The following SSBP2 variants were observed in gnomAD, a reference collection of about 807,000 sequenced individuals.
The protein encoded by SSBP2 is single-stranded DNA-binding protein 2.
In SSBP2, 17 loss-of-function variants were observed where a neutral mutation model predicts 61.8. That is an observed-to-expected ratio of 0.28 (90% CI 0.19 to 0.41). The LOEUF is 0.41. SSBP2 is among the 10% of genes least tolerant of loss of function. The pLI, the probability that SSBP2 is intolerant of heterozygous loss-of-function variation, is 1.00. For synonymous variants in SSBP2, 139 were observed against 141.3 expected (o/e 0.98, Z 0.12); for missense variants, 310 against 458.7 (o/e 0.68, Z 2.96).
chr5:81,438,314 G>A (rs1026888930), intron 14 of SSBP2, among the ~76,000 whole-genome samples: 3 of 147,374 alleles, frequency 2.0e-5, no homozygotes, highest in African/African-American at 7.6e-5. Context: ...TCACATCACT[G>A]CACTCCAGTG....
At chr5:81,430,392 A>G (rs973938274) in intron 15 of SSBP2, among the ~76,000 whole-genome samples, 5 of 152,234 alleles carry the variant, frequency 3.3e-5, no homozygotes, top group Non-Finnish European at 2.9e-5. Context: ...CAAACAAAAG[A>G]GTAAAATGAA....
intron 4 of SSBP2, among the ~76,000 whole-genome samples, chr5:81,575,252 A>T (rs1482381780): frequency 1.3e-5 from 2 of 152,208 alleles, no homozygotes; most frequent in African/African-American, 4.8e-5. Context: ...TGGGTGACAG[A>T]GCGAGACTTC....
At chr5:81,455,660 C>T (rs1316180032) in intron 10 of SSBP2, among the ~76,000 whole-genome samples, 2 of 142,408 alleles carry the variant, frequency 1.4e-5, no homozygotes, top group African/African-American at 2.5e-5. Context: ...AAAAAATCCT[C>T]CTTCTAACCC....
intron 4 of SSBP2, among the ~76,000 whole-genome samples, chr5:81,574,767 A>G (rs1774081327): frequency 6.6e-6 from 1 of 152,212 alleles, no homozygotes; most frequent in Admixed American, 6.5e-5. Flanking sequence ...CAAAAGCCGG[A>G]ACACACAGGA....
chr5:81,592,491 T>C lies in SSBP2; in HGVS notation c.282+22982A>G, dbSNP rs558514250. The stretch of plus-strand genomic sequence containing the variant: ...CCCTGTCTGACAGCTTTGAAGAGAG[T>C]AGTGGTTCTCCCAGCATGCAGCTTG... On this transcript the variant is annotated intron_variant, in intron 4 of 16. Transcript: ENST00000320672. 5.1e-3 allele frequency among the ~76,000 whole-genome samples: 770 copies of C among 151,624 alleles called. 10 individuals carry two copies. The highest frequency in any genetic ancestry group is 0.018 in the African/African-American group (722 of 41,046).
At chr5:81,712,756 A>G (rs1230636111) in intron 1 of SSBP2, among the ~76,000 whole-genome samples, 3 of 148,462 alleles carry the variant, frequency 2.0e-5, no homozygotes, top group Non-Finnish European at 4.5e-5. Flanking sequence ...TTTTTGACAC[A>G]GGGTCTCACT....
chr5:81,472,998 G>GT (rs1765350680), intron 8 of SSBP2, among the ~76,000 whole-genome samples: 1 of 152,278 alleles, frequency 6.6e-6, no homozygotes, highest in African/African-American at 2.4e-5. Flanking sequence ...TCCATACAGT[G>GT]TATTTTCTCA....
At chr5:81,564,883 C>T (rs1009784725) in intron 4 of SSBP2, among the ~76,000 whole-genome samples, 20 of 152,224 alleles carry the variant, frequency 1.3e-4, no homozygotes. Flanking sequence ...AGTTAAAAAA[C>T]CGCTTGCCAG....
At chr5:81,489,465 A>C (rs1376859920) in intron 5 of SSBP2, among the ~76,000 whole-genome samples, 156 bp from the exon 6 acceptor site, 1 of 152,246 alleles carries the variant, frequency 6.6e-6, no homozygotes, top group Non-Finnish European at 1.5e-5. Flanking sequence ...TTTTAAGAAA[A>C]ATTACCATCC....
chr5:81,421,497 ACT>A (rs1404958445), intron 16 of SSBP2, among the ~76,000 whole-genome samples: 1 of 152,016 alleles, frequency 6.6e-6, no homozygotes, highest in African/African-American at 2.4e-5. Context: ...TCGGCCTGTG[ACT>A]CTAACTGTAA....
At chr5:81,558,678 A>C (rs1226094832) in intron 4 of SSBP2, among the ~76,000 whole-genome samples, 12 of 152,212 alleles carry the variant, frequency 7.9e-5, no homozygotes. Flanking sequence ...AAATCAGAAC[A>C]ACCTGCATGT....
chr5:81,565,846 C>A (rs1773381195), intron 4 of SSBP2, among the ~76,000 whole-genome samples: 1 of 152,144 alleles, frequency 6.6e-6, no homozygotes, highest in African/African-American at 2.4e-5. Flanking sequence ...TATAGCTTCT[C>A]ACATGTTCAA....
chr5:81,750,854 TC>T, intron 1 of SSBP2, 126 bp downstream of exon 1: 1 of 754,512 alleles, frequency 1.3e-6, no homozygotes, highest in Non-Finnish European at 2.0e-6. Context: ...GCGGCACCCC[TC>T]CCCCTGCCAG....
chr5:81,552,557 G>A (rs1772281617), intron 4 of SSBP2, among the ~76,000 whole-genome samples: 1 of 151,046 alleles, frequency 6.6e-6, no homozygotes, highest in South Asian at 2.1e-4. Flanking sequence ...AGACTCACTT[G>A]AACCCAGGAG....
At chr5:81,629,912 A>T (rs965315378) in intron 3 of SSBP2, among the ~76,000 whole-genome samples, 1 of 152,206 alleles carries the variant, frequency 6.6e-6, no homozygotes, top group Non-Finnish European at 1.5e-5. Context: ...ATAATACATT[A>T]TTATTAAACC....
intron 4 of SSBP2, among the ~76,000 whole-genome samples, chr5:81,524,110 T>C (rs1022899198): frequency 6.6e-6 from 1 of 152,018 alleles, no homozygotes; most frequent in Admixed American, 6.6e-5. Context: ...ATAATTATAG[T>C]CATCCCTTAG....
At chr5:81,583,405 A>G (rs548344105) in intron 4 of SSBP2, among the ~76,000 whole-genome samples, 163 of 152,166 alleles carry the variant, frequency 1.1e-3, no homozygotes, top group Middle Eastern at 3.4e-3. Context: ...CAAGGCGGGC[A>G]GATCACAAGG....
At chr5:81,699,986 C>T (rs1451732595) in intron 1 of SSBP2, among the ~76,000 whole-genome samples, 1 of 151,688 alleles carries the variant, frequency 6.6e-6, no homozygotes, top group Non-Finnish European at 1.5e-5. Flanking sequence ...TGGCTACAGG[C>T]ACCTGCCACC....
chr5:81,453,124 GTCTCTATA>G (rs1763886028), intron 10 of SSBP2, among the ~76,000 whole-genome samples: 1 of 151,750 alleles, frequency 6.6e-6, no homozygotes, highest in African/African-American at 2.4e-5. Context: ...GCAAAACCTT[GTCTCTATA>G]AAAAACAAAA....
Sources: gnomAD v4.1 joint callset for allele counts (sites outside exome capture counted in the v4.1 genomes callset) on GRCh38, gnomAD v4.1.1 for gene constraint, MANE v1.5 for transcripts, NCBI Gene and HGNC (gene_info 2026-07-23, HGNC 2026-07-21) for gene names.